The following ARSG variants were observed in gnomAD, a reference collection of about 807,000 sequenced individuals.
ARSG encodes the protein ASG.
ARSG carries 37 observed loss-of-function variants against 50.5 expected under a neutral mutation model. The observed-to-expected ratio is 0.73, with a 90% CI of 0.56 to 0.96. ARSG has a LOEUF of 0.96. ARSG is among the 50% of genes least tolerant of loss of function. The probability of loss-of-function intolerance (pLI) is 0.00; values close to 1 mark genes in which losing one functional copy is unlikely to be tolerated. For missense variants in ARSG, 629 were observed against 675.3 expected (o/e 0.93, Z 0.76); for synonymous variants, 225 against 254.6 (o/e 0.88, Z 1.11).
chr17:68,337,330 G>A (rs2078068031), intron 2 of ARSG, among the ~76,000 whole-genome samples: 1 of 152,210 alleles, frequency 6.6e-6, no homozygotes, highest in Admixed American at 6.5e-5. Context: ...AGTTTAGAGA[G>A]TGGGGCTGTC....
intron 8 of ARSG, chr17:68,379,780 GA>G: frequency 7.1e-6 from 7 of 979,260 alleles, no homozygotes; most frequent in Non-Finnish European, 8.5e-6. Context: ...TTAGTTAAAT[GA>G]AAAACACTAG....
At chr17:68,326,379 C>A (rs1396069890) in intron 2 of ARSG, among the ~76,000 whole-genome samples, 3 of 152,200 alleles carry the variant, frequency 2.0e-5, no homozygotes, top group African/African-American at 4.8e-5. Flanking sequence ...CTAGAAAAAA[C>A]AACTCAGCCT....
At chr17:68,426,363 G>A (rs147033555), downstream of ARSG, among the ~76,000 whole-genome samples, 1 of 152,024 alleles carries the variant, frequency 6.6e-6, no homozygotes, top group South Asian at 2.1e-4. Flanking sequence ...AGCCTGACCT[G>A]CCTTTCCACT....
intron 2 of ARSG, among the ~76,000 whole-genome samples, chr17:68,316,689 G>A (rs1435450879): frequency 4.6e-5 from 7 of 152,178 alleles, no homozygotes; most frequent in Non-Finnish European, 8.8e-5. Flanking sequence ...GGGCTATGGT[G>A]AGGAGGAAAT....
At chr17:68,316,064 T>G (rs1195435371) in intron 2 of ARSG, among the ~76,000 whole-genome samples, 1 of 152,176 alleles carries the variant, frequency 6.6e-6, no homozygotes, top group Non-Finnish European at 1.5e-5. Flanking sequence ...CAGCTTCATC[T>G]CCAACCCTCT....
chr17:68,386,306 A>T (rs756361849), intron 9 of ARSG, among the ~76,000 whole-genome samples: 5 of 152,206 alleles, frequency 3.3e-5, no homozygotes, highest in Non-Finnish European at 7.3e-5. Flanking sequence ...CTGGTTAAAG[A>T]CCGATTTCCT....
intron 1 of ARSG, among the ~76,000 whole-genome samples, chr17:68,306,080 G>A (rs1301389149): frequency 5.9e-5 from 9 of 151,738 alleles, no homozygotes; most frequent in East Asian, 1.9e-4. Flanking sequence ...TCAGCTCGCC[G>A]CAATCTCTGC....
intron 9 of ARSG, among the ~76,000 whole-genome samples, chr17:68,392,278 C>T (rs1040117481): frequency 6.6e-6 from 1 of 152,260 alleles, no homozygotes; most frequent in African/African-American, 2.4e-5. Flanking sequence ...TCTGTTCTTG[C>T]GGAAGACTTT....
At chr17:68,320,071 G>A (rs2077219399) in intron 2 of ARSG, among the ~76,000 whole-genome samples, 1 of 152,056 alleles carries the variant, frequency 6.6e-6, no homozygotes, top group African/African-American at 2.4e-5. Context: ...CAGACTACCT[G>A]AGCCCAGGAG....
rs576458495 is a variant in ARSG at position 68,310,714 on chromosome 17, C to A, written c.218+3003C>A. On this transcript the variant is annotated intron_variant, in intron 2 of 11. Transcript: ENST00000621439. ...ATCTCCACAGAGTTTTGGCCACTTG[C>A]ATCCTAGAGCTTGATGCTTTTCCTG... is the stretch of plus-strand genomic sequence containing the variant. Among the ~76,000 whole-genome samples the A allele has an allele frequency of 9.2e-5, 14 of 152,322 alleles. No homozygotes were observed. The South Asian group carries it at 2.9e-3, about 32-fold the overall frequency.
chr17:68,321,145 C>T (rs1456275130), intron 2 of ARSG, among the ~76,000 whole-genome samples: 1 of 151,956 alleles, frequency 6.6e-6, no homozygotes, highest in Non-Finnish European at 1.5e-5. Context: ...ATAGTCACTG[C>T]ACTCCAGCCT....
At chr17:68,322,594 C>T (rs1444732276) in intron 2 of ARSG, among the ~76,000 whole-genome samples, 4 of 149,942 alleles carry the variant, frequency 2.7e-5, no homozygotes, top group Admixed American at 1.3e-4. Flanking sequence ...TCCAGCCTGG[C>T]GATAGAGTGA....
intron 11 of ARSG, among the ~76,000 whole-genome samples, chr17:68,406,035 G>T (rs188892764): frequency 6.6e-6 from 1 of 151,984 alleles, no homozygotes; most frequent in Non-Finnish European, 1.5e-5. Flanking sequence ...TTCATCCCTT[G>T]CCCCCTCCCA....
chr17:68,371,536 A>T (rs2079847001), intron 8 of ARSG, among the ~76,000 whole-genome samples: 1 of 152,172 alleles, frequency 6.6e-6, no homozygotes, highest in African/African-American at 2.4e-5. Flanking sequence ...CTTTGCCACA[A>T]GGACCTCACT....
In ARSG at chr17:68,391,482, T is replaced by G. The variant is rs2147101867; in HGVS notation, c.1092-3591T>G. Among the ~76,000 whole-genome samples the G allele has an allele frequency of 2.6e-5, 4 of 152,280 alleles. No homozygotes were observed. In the Middle Eastern group the frequency reaches 0.01, roughly 388 times the overall value. The stretch of plus-strand genomic sequence containing the variant: ...AGGATTCCGTGAACATTAGACTTAG[T>G]GCTCTATAATTGGGATGCTAAACCT... On this transcript the variant is annotated intron_variant, in intron 9 of 11. Transcript: ENST00000621439.
chr17:68,429,196 A>G, the ARSG span, among the ~76,000 whole-genome samples: 1 of 152,194 alleles, frequency 6.6e-6, no homozygotes. Flanking sequence ...GCGAGAAGCA[A>G]TAGCTAGTGA....
intron 11 of ARSG, among the ~76,000 whole-genome samples, chr17:68,418,679 G>A (rs2147558402): frequency 6.6e-6 from 1 of 152,262 alleles, no homozygotes; most frequent in South Asian, 2.1e-4. Flanking sequence ...TATAGTAAAG[G>A]ATGTGATAAG....
At chr17:68,373,408 T>C (rs1325539153) in intron 8 of ARSG, among the ~76,000 whole-genome samples, 1 of 151,706 alleles carries the variant, frequency 6.6e-6, no homozygotes, top group Non-Finnish European at 1.5e-5. Context: ...TTTGTATTTT[T>C]AGTTGAGATG....
At chr17:68,267,833 T>A (rs1253456737) in intron 1 of ARSG, 1 of 152,252 alleles carries the variant, frequency 6.6e-6, no homozygotes, top group Non-Finnish European at 1.5e-5. Flanking sequence ...TCAAGTCATG[T>A]GTTATAGAAG....
Sources: gnomAD v4.1 joint callset for allele counts (sites outside exome capture counted in the v4.1 genomes callset) on GRCh38, gnomAD v4.1.1 for gene constraint, MANE v1.5 for transcripts, NCBI Gene and HGNC (gene_info 2026-07-23, HGNC 2026-07-21) for gene names.